The following SNAPIN variants were observed in gnomAD, a reference collection of about 807,000 sequenced individuals.
SNAPIN encodes the protein SNARE-associated protein Snapin.
SNAPIN carries 16 observed loss-of-function variants against 15.9 expected under a neutral mutation model. The observed-to-expected ratio is 1.01, with a 90% CI of 0.68 to 1.53. SNAPIN has a LOEUF of 1.53. Among genes scored for constraint, SNAPIN ranks in the 40% most tolerant of loss-of-function variants. SNAPIN has a pLI of 0.00. For synonymous variants in SNAPIN, 83 were observed against 76.2 expected, an observed-to-expected ratio of 1.09 and a Z score of -0.46; for missense variants, 186 against 180.1, an observed-to-expected ratio of 1.03 and a Z score of -0.19.
In SNAPIN at chr1:153,660,651, GAAAAAAA is replaced by G. The variant is rs936959398; in HGVS notation, c.310-533_310-527del. On this transcript the variant is annotated intron_variant, in intron 3 of 3. Coordinates refer to ENST00000368685, the MANE Select transcript of SNAPIN (RefSeq NM_012437.6). ...CAACAAGAGCGAAACTCCGTCTCGG[GAAAAAAA>G]AAAAAAAAAAAAAAAGACAGGCTAT... is the stretch of plus-strand genomic sequence containing the variant. Among the ~76,000 whole-genome samples, 85 of 112,542 alleles carry G rather than the reference GAAAAAAA, an allele frequency of 7.6e-4. No homozygotes were observed. In the East Asian group the frequency reaches 0.012, roughly 16 times the overall value. 73.8% of individuals were successfully genotyped at this position (112,542 alleles called of 152,430 possible).
chr1:153,659,018 G>T, intron 1 of SNAPIN, 120 bp from the exon 2 acceptor site: 1 of 1,549,526 alleles, frequency 6.5e-7, no homozygotes, highest in Non-Finnish European at 8.8e-7. Flanking sequence ...AGGCGGGAAG[G>T]CCGCAGGTGG....
At chr1:153,659,374 C>T (rs1669094012) in intron 2 of SNAPIN, 74 bp from the exon 3 acceptor site, 1 of 1,345,874 alleles carries the variant, frequency 7.4e-7, no homozygotes, top group Non-Finnish European at 1.1e-6. Flanking sequence ...TTTTCCATCC[C>T]ATTACCAGCC....
chr1:153,660,654 A>G lies in SNAPIN; in HGVS notation c.310-546A>G, dbSNP rs1394518820. Among the ~76,000 whole-genome samples, 11 of 149,012 alleles carry G rather than the reference A, an allele frequency of 7.4e-5. 1 individual carries two copies. The highest frequency in any genetic ancestry group is 1.0e-4 in the Non-Finnish European group (7 of 66,926). On this transcript the variant is annotated intron_variant, in intron 3 of 3. Coordinates refer to ENST00000368685, the MANE Select transcript of SNAPIN (RefSeq NM_012437.6). ...CAAGAGCGAAACTCCGTCTCGGGAAAAAAAAAAAAAAAAAAAAAAGACAGG... is the reference window on the plus strand; with the variant it reads ...CAAGAGCGAAACTCCGTCTCGGGAAGAAAAAAAAAAAAAAAAAAAGACAGG...
At position 153,660,917 on chromosome 1, in the gene SNAPIN, G is replaced by A. The variant is rs755046863; in HGVS notation, c.310-283G>A. On this transcript the variant is annotated intron_variant, in intron 3 of 3. Transcript: ENST00000368685. ...CTCCTGCCTCAGATTACAAGCACCCGCCACCATGCCCAGCTAATTTTTTTG... is the reference window on the plus strand; with the variant it reads ...CTCCTGCCTCAGATTACAAGCACCCACCACCATGCCCAGCTAATTTTTTTG... 6.6e-5 allele frequency among the ~76,000 whole-genome samples: 10 copies of A among 151,590 alleles called. 1 individual carries two copies. The highest frequency in any genetic ancestry group is 4.2e-4 in the South Asian group (2 of 4,808).
chr1:153,660,205 T>G (rs1669111607), intron 3 of SNAPIN, among the ~76,000 whole-genome samples: 1 of 152,018 alleles, frequency 6.6e-6, no homozygotes, highest in Admixed American at 6.6e-5. Context: ...GTATTTTTTC[T>G]AGAGACAGGG....
chr1:153,661,377 A>G lies in SNAPIN; in HGVS notation c.*76A>G, dbSNP rs566727468. The G allele has an allele frequency of 9.0e-7, 1 of 1,114,362 alleles. No individual in the cohort carries two copies. The allele number at this position is 1,114,362 out of a possible 1,614,324, so 69.0% of individuals were successfully genotyped here. A position where few individuals can be genotyped will look rare whatever the true frequency, so the allele number is the denominator to read the frequency against. ...GTTTCAACAGACATGCAAAGATCCT[A>G]GGAGACAGTCCCCATAGACCTTCAG... On this transcript the variant is annotated 3_prime_UTR_variant, in exon 4 of 4. Coordinates refer to ENST00000368685, the MANE Select transcript of SNAPIN (RefSeq NM_012437.6).
intron 3 of SNAPIN, among the ~76,000 whole-genome samples, chr1:153,660,877 C>A (rs1327247353): frequency 1.3e-5 from 2 of 151,514 alleles, no homozygotes. Context: ...CTCCACCTCC[C>A]GGTTTCAAGC....
Position 153,661,434 on chromosome 1 carries a change from A to C in SNAPIN, c.*133A>C. 1.5e-6 allele frequency: 1 copy of C among 669,510 alleles called. No individual in the cohort carries two copies. 41.5% of individuals were successfully genotyped at this position (669,510 alleles called of 1,614,324 possible). ...AAAAGGGAGCCGTACAGTTTGTTTG[A>C]AGCACTTCGTCTTACCCATTTATGT... On this transcript the variant is annotated 3_prime_UTR_variant, in exon 4 of 4. Coordinates refer to ENST00000368685, the MANE Select transcript of SNAPIN (RefSeq NM_012437.6).
intron 3 of SNAPIN, among the ~76,000 whole-genome samples, chr1:153,660,163 C>T (rs369970185): frequency 7.9e-5 from 12 of 152,194 alleles, no homozygotes; most frequent in African/African-American, 2.6e-4. Context: ...GCTGGGACTA[C>T]AGGCATGCAC....
chr1:153,661,512 CATTA>C lies in SNAPIN; in HGVS notation c.*216_*219del, dbSNP rs1344983030. On this transcript the variant is annotated 3_prime_UTR_variant, in exon 4 of 4. Coordinates refer to ENST00000368685, the MANE Select transcript of SNAPIN (RefSeq NM_012437.6). ...CAGAATGAGGTTCCCAAAGGACTTA[CATTA>C]ATTATGGCTCTTGCTTCCTTTCACA... is the stretch of plus-strand genomic sequence containing the variant. 12 of 387,742 alleles carry C rather than the reference CATTA, an allele frequency of 3.1e-5. No homozygotes were observed. Among genetic ancestry groups the C allele is most frequent in the Non-Finnish European group, 4.8e-5 (10 of 206,984 alleles). 24.0% of individuals were successfully genotyped at this position (387,742 alleles called of 1,614,324 possible).
Position 153,658,828 on chromosome 1 carries a change from C to CT in SNAPIN, c.86dup (p.Leu30AlafsTer30), listed in dbSNP as rs1669075293. 6.2e-7 allele frequency: 1 copy of CT among 1,600,300 alleles called. No individual in the cohort carries two copies. The highest frequency in any genetic ancestry group is 1.8e-5 in the Admixed American group (1 of 54,830). ...AGGCCGCGACCTTTTCGCCGAAGGG[C>CT]TGCTGGAGTTCCTGCGACCCGCTGT... On this transcript the variant is annotated frameshift_variant, in exon 1 of 4. Transcript: ENST00000368685. LOFTEE classifies it high-confidence loss of function.
At position 153,658,771 on chromosome 1, in the gene SNAPIN, T is replaced by C; in HGVS notation, c.28T>C (p.Ser10Pro). 6.3e-7 allele frequency: 1 copy of C among 1,577,134 alleles called. No homozygotes were observed. The highest frequency in any genetic ancestry group is 1.4e-5 in the African/African-American group (1 of 72,582). The change falls in exon 1 of 4, where the codon TCG (serine) becomes CCG (proline). Residue 10 changes from serine (S) to proline (P), a missense_variant. Transcript: ENST00000368685. ...GGCGGGGGCTGGTTCCGCCGCTGTA[T>C]CGGGGGCAGGGACCCCGGTGGCGGG... is the stretch of plus-strand genomic sequence containing the variant. MAGAGSAAV[S>P]GAGTPVAGPT...
At chr1:153,658,994 GAGGCGGGGAGGAC>G in intron 1 of SNAPIN, 108 bp downstream of exon 1, 3 of 1,575,750 alleles carry the variant, frequency 1.9e-6, no homozygotes, top group Middle Eastern at 1.7e-4. Context: ...AAACTGATTC[GAGGCGGGGAGGAC>G]AGGCGGGAAG....
At position 153,661,339 on chromosome 1, in the gene SNAPIN, C is replaced by T. The variant is rs1425801371; in HGVS notation, c.*38C>T. 4 of 1,479,720 alleles carry T rather than the reference C, an allele frequency of 2.7e-6. No homozygotes were observed. The highest frequency in any genetic ancestry group is 3.8e-6 in the Non-Finnish European group (4 of 1,060,606). The allele number at this position is 1,479,720 out of a possible 1,614,324, so 91.7% of individuals were successfully genotyped here. ...TGGACTCAGTAGCACAAGTACTGTT[C>T]CCCAGCTGCCTTGTTTCAACAGACA... On this transcript the variant is annotated 3_prime_UTR_variant, in exon 4 of 4. Transcript: ENST00000368685.
At chr1:153,660,579 C>T (rs753968232) in intron 3 of SNAPIN, among the ~76,000 whole-genome samples, 8 of 143,894 alleles carry the variant, frequency 5.6e-5, no homozygotes, top group East Asian at 2.1e-4. Context: ...GCCCGGGGGA[C>T]GGAGGTTGCG....
At position 153,658,763 on chromosome 1, in the gene SNAPIN, C is replaced by T; in HGVS notation, c.20C>T (p.Ala7Val). 6.4e-7 allele frequency: 1 copy of T among 1,569,338 alleles called. No homozygotes were observed. The highest frequency in any genetic ancestry group is 1.2e-5 in the South Asian group (1 of 85,494). MAGAGS[A>V]AVSGAGTPVA... is the part of the protein sequence containing the mutation. ...TTCGTGATGGCGGGGGCTGGTTCCG[C>T]CGCTGTATCGGGGGCAGGGACCCCG... Residue 7 changes from alanine to valine, a missense_variant, in exon 1 of 4, where the codon GCC (alanine) becomes GTC (valine). Ala to Val is a moderately conservative substitution (Grantham distance 64). Coordinates refer to ENST00000368685, the MANE Select transcript of SNAPIN (RefSeq NM_012437.6).
At chr1:153,659,012 G>T (rs1234609140) in intron 1 of SNAPIN, 126 bp downstream of exon 1, 37 of 1,556,850 alleles carry the variant, frequency 2.4e-5, no homozygotes, top group Non-Finnish European at 3.3e-5. Flanking sequence ...GAGGACAGGC[G>T]GGAAGGCCGC....
intron 3 of SNAPIN, 53 bp downstream of exon 3, chr1:153,659,619 A>C: frequency 8.2e-7 from 1 of 1,219,094 alleles, no homozygotes; most frequent in South Asian, 1.2e-5. Context: ...GTAAGTCCTC[A>C]ACACAGTGAA....
chr1:153,658,948 G>C, intron 1 of SNAPIN, 62 bp downstream of exon 1: 1 of 1,599,438 alleles, frequency 6.3e-7, no homozygotes, highest in Non-Finnish European at 8.5e-7. Flanking sequence ...GCGGGGCCAA[G>C]AAAGTGTTCT....
Sources: gnomAD v4.1 joint callset for allele counts (sites outside exome capture counted in the v4.1 genomes callset) on GRCh38, gnomAD v4.1.1 for gene constraint, MANE v1.5 for transcripts, NCBI Gene and HGNC (gene_info 2026-07-23, HGNC 2026-07-21) for gene names.